SPDYA: variants seen among roughly 807,000 people sequenced by gnomAD.
SPDYA encodes speedy/RINGO cell cycle regulator family member A.
A neutral mutation model predicts 36.7 loss-of-function variants in SPDYA; 11 were observed. That is an observed-to-expected ratio of 0.30 (90% CI 0.19 to 0.50). SPDYA has a LOEUF of 0.50. SPDYA is among the 20% of genes least tolerant of loss of function. The pLI is 0.98. For synonymous variants in SPDYA, 115 were observed against 118.7 expected, an observed-to-expected ratio of 0.97 and a Z score of 0.20; for missense variants, 287 against 370.9, an observed-to-expected ratio of 0.77 and a Z score of 1.86.
At chr2:28,816,859 G>T (rs988314876) in intron 3 of SPDYA, among the ~76,000 whole-genome samples, 2 of 89,694 alleles carry the variant, frequency 2.2e-5, no homozygotes, top group Non-Finnish European at 5.6e-5. Context: ...GGAAAGAGAG[G>T]GAATTTTTTT....
At chr2:28,815,316 A>G (rs1337443161) in intron 2 of SPDYA, among the ~76,000 whole-genome samples, 1 of 151,646 alleles carries the variant, frequency 6.6e-6, no homozygotes, top group African/African-American at 2.4e-5. Context: ...ACACACACAC[A>G]CACACACACA....
intron 5 of SPDYA, among the ~76,000 whole-genome samples, chr2:28,828,405 CCAAT>C (rs1178124767): frequency 4.6e-5 from 7 of 152,124 alleles, no homozygotes; most frequent in East Asian, 3.9e-4. Context: ...GCCATTAATC[CCAAT>C]CAGTGTATTT....
rs756593419 is a variant in SPDYA, at chr2:28,816,180, T to C, written c.166T>C (p.Ser56Pro). Residue 56 changes from serine (S) to proline (P), a missense_variant, in exon 3 of 8, where the codon TCT becomes CCT. Transcript: ENST00000334056. ...FEKNTHNNNK[S>P]KRPKGPCLVI... ...AAAAAATACACATAATAACAACAAA[T>C]CTAAACGCCCCAAAGGACCTTGTCT... is the stretch of plus-strand genomic sequence containing the variant. 2 of 1,614,022 alleles carry C rather than the reference T, an allele frequency of 1.2e-6. No individual in the cohort carries two copies. The highest frequency in any genetic ancestry group is 1.1e-5 in the South Asian group (1 of 91,068).
At chr2:28,826,724 C>A (rs1003460927) in intron 5 of SPDYA, among the ~76,000 whole-genome samples, 1 of 139,444 alleles carries the variant, frequency 7.2e-6, no homozygotes, top group African/African-American at 2.6e-5. Flanking sequence ...AAGGGATCCT[C>A]CCACCTCAAT....
At chr2:28,840,579 G>T in intron 7 of SPDYA, 110 bp downstream of exon 7, 2 of 1,444,704 alleles carry the variant, frequency 1.4e-6, no homozygotes, top group Non-Finnish European at 9.1e-7. Context: ...AACAATATGA[G>T]TTAAATTAAT....
At position 28,810,872 on chromosome 2, in the gene SPDYA, T is replaced by G. The variant is rs1273533681; in HGVS notation, c.-168T>G. On this transcript the variant is annotated 5_prime_UTR_variant, in exon 1 of 8. Coordinates refer to ENST00000334056, the MANE Select transcript of SPDYA (RefSeq NM_182756.4). ...GGCTAGCGACCGACGAGCAACCGTC[T>G]GAGGCCAGGAGCGCTGCGACGGAGC... The G allele has an allele frequency of 6.6e-6, 1 of 152,290 alleles. No individual in the cohort carries two copies. Among genetic ancestry groups the G allele is most frequent in the African/African-American group, 2.4e-5 (1 of 41,442 alleles). 9.4% of individuals were successfully genotyped at this position (152,290 alleles called of 1,614,324 possible).
Sources: gnomAD v4.1 joint callset for allele counts (sites outside exome capture counted in the v4.1 genomes callset) on GRCh38, gnomAD v4.1.1 for gene constraint, MANE v1.5 for transcripts, NCBI Gene and HGNC (gene_info 2026-07-23, HGNC 2026-07-21) for gene names.